Variants in PALM2AKAP2 observed in about 807,000 individuals in gnomAD.
PALM2AKAP2 encodes the protein PALM2-AKAP2 fusion protein.
PALM2AKAP2 carries 37 observed loss-of-function variants against 71.5 expected under a neutral mutation model. The ratio of observed to expected loss-of-function variants is 0.52; its 90% CI spans 0.40 to 0.68. The LOEUF is 0.68. Among genes scored for constraint, PALM2AKAP2 ranks in the 30% least tolerant of loss-of-function variants. The pLI is 0.00. For missense variants in PALM2AKAP2, 1,224 were observed against 1,191.8 expected (o/e 1.03, Z -0.40); for synonymous variants, 468 against 478.8 (o/e 0.98, Z 0.29).
rs557305866 is a variant in PALM2AKAP2 at position 109,908,803 on chromosome 9, C to T, written c.258-14932C>T. ...AGATGTGGCTGAGGCTGTATGGATG[C>T]GTGTGCACACACACACACACACACA... On this transcript the variant is annotated intron_variant, in intron 3 of 9. Transcript: ENST00000302798. 7.5e-4 allele frequency among the ~76,000 whole-genome samples: 89 copies of T among 118,996 alleles called. 2 individuals are homozygous for T. The East Asian group carries it at 0.014, about 18-fold the overall frequency. 78.1% of individuals were successfully genotyped at this position (118,996 alleles called of 152,430 possible).
At position 110,011,014 on chromosome 9, in the gene PALM2AKAP2, A is replaced by AAAAAAAATATATAT. The variant is rs35212981; in HGVS notation, c.497-4939_497-4938insAAAAAATATATATA. ...TCTGTCTCAAAAAAAAAAAAAAAAA[A>AAAAAAAATATATAT]ATATATATATATATATATATATACT... On this transcript the variant is annotated intron_variant, in intron 6 of 9. Coordinates refer to the PALM2AKAP2 transcript ENST00000302798. Among the ~76,000 whole-genome samples the AAAAAAAATATATAT allele has an allele frequency of 1.0e-3, 72 of 69,572 alleles. 1 individual carries two copies. The highest frequency in any genetic ancestry group is 5.3e-3 in the African/African-American group (68 of 12,770). The allele number at this position is 69,572 out of a possible 152,430, so 45.6% of individuals were successfully genotyped here.
At chr9:110,061,735 C>T (rs1369251843) in intron 1 of PALM2AKAP2, among the ~76,000 whole-genome samples, 2 of 140,026 alleles carry the variant, frequency 1.4e-5, no homozygotes, top group Non-Finnish European at 3.0e-5. Context: ...GATGGGGTTT[C>T]ACCATGTTGG....
chr9:110,048,717 C>A (rs779573424), exon 1 of PALM2AKAP2: 1 of 1,547,662 alleles, frequency 6.5e-7, no homozygotes, highest in Non-Finnish European at 8.7e-7. Context: ...GGCCCCAGCC[C>A]GGGGCTGCCG....
intron 1 of PALM2AKAP2, among the ~76,000 whole-genome samples, chr9:110,054,998 T>A (rs770883428): frequency 3.3e-5 from 5 of 152,132 alleles, no homozygotes; most frequent in Non-Finnish European, 7.4e-5. Flanking sequence ...TAAGCCTGAC[T>A]GCCCCCCGCC....
At chr9:110,160,770 C>T (rs906422839) in intron 3 of PALM2AKAP2, among the ~76,000 whole-genome samples, 1 of 152,172 alleles carries the variant, frequency 6.6e-6, no homozygotes, top group Non-Finnish European at 1.5e-5. Context: ...ATCACAGCCT[C>T]CTGGATGTTC....
In PALM2AKAP2 at chr9:110,119,356, A is replaced by G. The variant is rs541484796; in HGVS notation, c.157-16771A>G. 1.4e-3 allele frequency among the ~76,000 whole-genome samples: 204 copies of G among 150,590 alleles called. 1 individual carries two copies. Among genetic ancestry groups the G allele is most frequent in the Middle Eastern group, 3.4e-3 (1 of 294 alleles). On this transcript the variant is annotated intron_variant, in intron 1 of 3. Coordinates refer to ENST00000374525, the Ensembl canonical transcript of PALM2AKAP2. ...GACTCCATCTCAAAAAAAAAAAAAAAAAAAGAAAAGAAAAAGAAGATAACA... is the reference window on the plus strand; with the variant it reads ...GACTCCATCTCAAAAAAAAAAAAAAGAAAAGAAAAGAAAAAGAAGATAACA...
chr9:110,068,556 G>T (rs1207337074), intron 1 of PALM2AKAP2, among the ~76,000 whole-genome samples: 3 of 140,440 alleles, frequency 2.1e-5, no homozygotes, highest in East Asian at 1.9e-4. Context: ...TTGAGACAGG[G>T]TCTCCTTCTG....
intron 1 of PALM2AKAP2, among the ~76,000 whole-genome samples, chr9:109,853,907 A>C (rs1395117323): frequency 6.6e-6 from 1 of 152,022 alleles, no homozygotes; most frequent in African/African-American, 2.4e-5. Flanking sequence ...CTTTAACTGG[A>C]GCTTCCTACT....
chr9:110,006,228 C>G (rs887789424), intron 6 of PALM2AKAP2, among the ~76,000 whole-genome samples: 4 of 151,356 alleles, frequency 2.6e-5, no homozygotes, highest in African/African-American at 9.7e-5. Flanking sequence ...TTTCCTCTTT[C>G]TCTCTTTTCC....
chr9:109,839,932 A>G (rs1828606178), intron 1 of PALM2AKAP2, among the ~76,000 whole-genome samples: 2 of 152,342 alleles, frequency 1.3e-5, no homozygotes, highest in Middle Eastern at 3.4e-3. Flanking sequence ...GAAAATGGTC[A>G]TACTACCCAA....
intron 6 of PALM2AKAP2, among the ~76,000 whole-genome samples, chr9:109,955,519 A>C (rs540426043): frequency 6.6e-6 from 1 of 152,212 alleles, no homozygotes; most frequent in African/African-American, 2.4e-5. Flanking sequence ...AGCAAAAATA[A>C]CAAGAGGCAC....
At position 110,091,673 on chromosome 9, in the gene PALM2AKAP2, A is replaced by G. The variant is rs541988072; in HGVS notation, c.156+42818A>G. Among the ~76,000 whole-genome samples, 132 of 152,172 alleles carry G rather than the reference A, an allele frequency of 8.7e-4. 2 individuals carry two copies. In the East Asian group the frequency reaches 0.021, roughly 24 times the overall value. ...GAGATGGGGTTTCACCGTGTTAGCC[A>G]GGATGGTCTTGATCTCCTGACCTCA... is the stretch of plus-strand genomic sequence containing the variant. On this transcript the variant is annotated intron_variant, in intron 1 of 3. Transcript: ENST00000374525.
intron 1 of PALM2AKAP2, among the ~76,000 whole-genome samples, chr9:109,800,896 G>C (rs1244248011): frequency 6.6e-6 from 1 of 152,178 alleles, no homozygotes; most frequent in East Asian, 1.9e-4. Flanking sequence ...TGACGTCTTA[G>C]GACTCAAAGC....
intron 1 of PALM2AKAP2, among the ~76,000 whole-genome samples, chr9:109,746,601 G>C (rs138429749): frequency 3.3e-5 from 5 of 152,224 alleles, no homozygotes; most frequent in Admixed American, 6.5e-5. Context: ...CTCACACTCA[G>C]AGTCTAGTGT....
At chr9:109,816,226 C>T (rs1308377360) in intron 1 of PALM2AKAP2, among the ~76,000 whole-genome samples, 1 of 152,172 alleles carries the variant, frequency 6.6e-6, no homozygotes, top group Non-Finnish European at 1.5e-5. Context: ...CTGTGCTTAG[C>T]TCTCATTTGG....
chr9:109,903,924 T>C (rs949087903), intron 3 of PALM2AKAP2, among the ~76,000 whole-genome samples: 1 of 152,234 alleles, frequency 6.6e-6, no homozygotes, highest in African/African-American at 2.4e-5. Context: ...TCTCATTCTC[T>C]GGAAAATCAG....
intron 6 of PALM2AKAP2, among the ~76,000 whole-genome samples, chr9:109,948,298 C>G (rs1831558383): frequency 6.6e-6 from 1 of 152,154 alleles, no homozygotes; most frequent in Non-Finnish European, 1.5e-5. Flanking sequence ...TTTACCAGGG[C>G]TCCTTAGACC....
intron 3 of PALM2AKAP2, among the ~76,000 whole-genome samples, chr9:109,922,319 A>T (rs754059655): frequency 7.5e-5 from 11 of 146,498 alleles, no homozygotes; most frequent in Non-Finnish European, 1.6e-4. Flanking sequence ...CTCCTTGGGA[A>T]GCTGAGGTGG....
intron 1 of PALM2AKAP2, among the ~76,000 whole-genome samples, chr9:110,126,960 A>G (rs1186054496): frequency 4.6e-5 from 7 of 152,224 alleles, no homozygotes. Context: ...CTCCTTCACT[A>G]GGAATGTGGG....
Sources: gnomAD v4.1 joint callset for allele counts (sites outside exome capture counted in the v4.1 genomes callset) on GRCh38, gnomAD v4.1.1 for gene constraint, MANE v1.5 for transcripts, NCBI Gene and HGNC (gene_info 2026-07-23, HGNC 2026-07-21) for gene names.